PDXDC1: variants seen among roughly 807,000 people sequenced by gnomAD.
PDXDC1 encodes pyridoxal dependent decarboxylase domain containing 1, also known as pyridoxal-dependent decarboxylase domain-containing protein 1.
PDXDC1 carries 42 observed loss-of-function variants against 100.1 expected under a neutral mutation model. The ratio of observed to expected loss-of-function variants is 0.42; its 90% CI spans 0.33 to 0.54. PDXDC1 has a LOEUF of 0.54. Among genes scored for constraint, PDXDC1 ranks in the 20% least tolerant of loss-of-function variants. The probability of loss-of-function intolerance (pLI) is 0.10; values close to 1 mark genes in which losing one functional copy is unlikely to be tolerated. For missense variants in PDXDC1, 636 were observed against 979.2 expected (o/e 0.65, Z 4.68); for synonymous variants, 260 against 371.7 (o/e 0.70, Z 3.46).
At chr16:15,061,834 G>T (rs889792291) in intron 16 of PDXDC1, 1 of 1,614,096 alleles carries the variant, frequency 6.2e-7, no homozygotes, top group Non-Finnish European at 8.5e-7. Context: ...AGCTTGGTGT[G>T]ATCCCAATCA....
chr16:15,022,174 T>C (rs2042257231), intron 12 of PDXDC1, among the ~76,000 whole-genome samples: 1 of 152,296 alleles, frequency 6.6e-6, no homozygotes, highest in Non-Finnish European at 1.5e-5. Context: ...ACTTCCTGTA[T>C]TGCATATCAA....
intron 16 of PDXDC1, among the ~76,000 whole-genome samples, chr16:15,083,226 T>C (rs999313299): frequency 6.6e-6 from 1 of 152,094 alleles, no homozygotes; most frequent in Non-Finnish European, 1.5e-5. Context: ...TGGTGAAACC[T>C]TGTCTCTACT....
intron 16 of PDXDC1, chr16:15,134,987 G>A: frequency 9.5e-6 from 4 of 418,956 alleles, no homozygotes; most frequent in Non-Finnish European, 1.8e-5. Flanking sequence ...ACATGGGCTG[G>A]GGACAGTGGC....
intron 16 of PDXDC1, chr16:15,091,331 A>G (rs1350518540): frequency 6.3e-7 from 1 of 1,593,572 alleles, no homozygotes; most frequent in African/African-American, 1.3e-5. Context: ...GTCTGGATCT[A>G]ACAGCTGGTT....
chr16:15,144,986 A>AC, the PDXDC1 span, among the ~76,000 whole-genome samples: 1 of 151,802 alleles, frequency 6.6e-6, no homozygotes, highest in African/African-American at 2.4e-5. Flanking sequence ...AGGCGTTGTG[A>AC]CCCCCTTGCA....
At chr16:15,057,804 A>C (rs1178736511) in intron 16 of PDXDC1, among the ~76,000 whole-genome samples, 1 of 152,220 alleles carries the variant, frequency 6.6e-6, no homozygotes, top group African/African-American at 2.4e-5. Flanking sequence ...GTGAAGAACA[A>C]GGTTCTGTGG....
intron 1 of PDXDC1, among the ~76,000 whole-genome samples, chr16:14,976,197 C>T (rs1048839166): frequency 6.6e-6 from 1 of 152,292 alleles, no homozygotes; most frequent in African/African-American, 2.4e-5. Flanking sequence ...CTGTCTGTTC[C>T]AGCTTGGGAG....
rs200439872 is a variant in PDXDC1, at chr16:15,104,509, G to A, written c.1400-34370G>A. On this transcript the variant is annotated intron_variant, in intron 16 of 16. Transcript: ENST00000535621. ...CTTGAGATTATCATCCGCTGAGGGT[G>A]GAGCTGAGGGTGGAAGGGGAGTGAG... 2.9e-4 allele frequency: 424 copies of A among 1,462,358 alleles called. 9 individuals are homozygous for A. The highest frequency in any genetic ancestry group is 6.5e-4 in the South Asian group (49 of 74,886). The allele number at this position is 1,462,358 out of a possible 1,614,324, so 90.6% of individuals were successfully genotyped here.
chr16:15,047,296 C>G, intron 16 of PDXDC1: 2 of 640,718 alleles, frequency 3.1e-6, no homozygotes, highest in Non-Finnish European at 5.7e-6. Flanking sequence ...ACGCAGTGCC[C>G]ACGTCGTGCC....
chr16:15,011,631 C>CTTTTTTTTTTTTTTTTTTTT, intron 8 of PDXDC1, among the ~76,000 whole-genome samples: 4 of 131,270 alleles, frequency 3.0e-5, no homozygotes, highest in South Asian at 2.4e-4. Context: ...ACATTTTTTT[C>CTTTTTTTTTTTTTTTTTTTT]TTTTTTTTTT....
chr16:15,025,321 C>T (rs2042509746), intron 13 of PDXDC1: 1 of 152,382 alleles, frequency 6.6e-6, no homozygotes, highest in South Asian at 2.1e-4. Flanking sequence ...CTGCCATCTC[C>T]TAGCTGAGGA....
intron 16 of PDXDC1, chr16:15,074,648 T>A: frequency 1.8e-6 from 2 of 1,090,992 alleles, no homozygotes; most frequent in South Asian, 1.6e-5. Context: ...TTACTAGAGA[T>A]AATGGATGGA....
intron 16 of PDXDC1, among the ~76,000 whole-genome samples, chr16:15,093,283 C>T (rs1452527181): frequency 3.9e-5 from 6 of 152,318 alleles, no homozygotes; most frequent in South Asian, 2.1e-4. Context: ...GGATTACAGG[C>T]GTGAGCAACC....
In PDXDC1 at chr16:15,057,716, T is replaced by C. The variant is rs370417236; in HGVS notation, c.1399+27660T>C. 2.0e-5 allele frequency among the ~76,000 whole-genome samples: 3 copies of C among 152,188 alleles called. No individual in the cohort carries two copies. The East Asian group carries it at 5.8e-4, about 29-fold the overall frequency. ...CATGTTTGTTTCACCTGGTACATAC[T>C]AAACACTAAAGATAGCTATTATTGG... On this transcript the variant is annotated intron_variant, in intron 16 of 16. Transcript: ENST00000535621.
chr16:15,061,274 T>C (rs917658992), intron 16 of PDXDC1: 2 of 154,362 alleles, frequency 1.3e-5, no homozygotes, highest in Admixed American at 1.3e-4. Flanking sequence ...GTAGCCAAAA[T>C]AAACACTTTC....
chr16:15,144,527 G>A, the PDXDC1 span, among the ~76,000 whole-genome samples: 4 of 152,198 alleles, frequency 2.6e-5, no homozygotes, highest in African/African-American at 4.8e-5. Context: ...GGACGAGGCT[G>A]CCAGGCCCCA....
chr16:15,005,713 T>G (rs1234855698), intron 5 of PDXDC1, among the ~76,000 whole-genome samples: 1 of 152,278 alleles, frequency 6.6e-6, no homozygotes, highest in Non-Finnish European at 1.5e-5. Flanking sequence ...CTTTTTTATT[T>G]TTTTGAGATG....
At chr16:15,139,674 G>T (rs1009441900), downstream of PDXDC1, among the ~76,000 whole-genome samples, 1 of 152,008 alleles carries the variant, frequency 6.6e-6, no homozygotes, top group African/African-American at 2.4e-5. Flanking sequence ...CCAACTACTC[G>T]GGGGGCTGAG....
Position 15,036,163 on chromosome 16 carries a change from A to G in PDXDC1, c.2255A>G (p.His752Arg). The G allele has an allele frequency of 6.2e-7, 1 of 1,614,166 alleles. No individual in the cohort carries two copies. Among genetic ancestry groups the G allele is most frequent in the South Asian group, 1.1e-5 (1 of 91,084 alleles). The change falls in exon 23 of 23, where the codon CAC becomes CGC. Residue 752 changes from histidine (H) to arginine (R), a missense_variant. His to Arg is a conservative substitution (Grantham distance 29, BLOSUM62 0). Coordinates refer to ENST00000396410, the MANE Select transcript of PDXDC1 (RefSeq NM_015027.4). Reference protein sequence around the residue: ...ITLEASSTEGHPGAPSPQHTD... With the variant: ...ITLEASSTEGRPGAPSPQHTD... ...CTCGAGGCCAGCAGCACTGAGGGAC[A>G]CCCAGGGGCTCCCAGCCCTCAGCAC...
Sources: gnomAD v4.1 joint callset for allele counts (sites outside exome capture counted in the v4.1 genomes callset) on GRCh38, gnomAD v4.1.1 for gene constraint, MANE v1.5 for transcripts, NCBI Gene and HGNC (gene_info 2026-07-23, HGNC 2026-07-21) for gene names.